The following TCERG1L variants were observed in gnomAD, a reference collection of about 807,000 sequenced individuals.
TCERG1L encodes transcription elongation regulator 1 like.
Under a neutral mutation model 56.3 loss-of-function variants are expected in TCERG1L, and 37 were observed. The ratio of observed to expected loss-of-function variants is 0.66; its 90% CI spans 0.51 to 0.87. The LOEUF (loss-of-function observed/expected upper bound fraction) is 0.87, where lower values mean the gene tolerates loss of function less well. TCERG1L is among the 40% of genes least tolerant of loss of function. The pLI is 0.00. For synonymous variants in TCERG1L, 324 were observed against 326.3 expected (o/e 0.99, Z 0.08); for missense variants, 799 against 774.2 (o/e 1.03, Z -0.38).
At chr10:131,263,068 G>A (rs1447700700) in intron 3 of TCERG1L, among the ~76,000 whole-genome samples, 12 of 152,086 alleles carry the variant, frequency 7.9e-5, no homozygotes, top group Admixed American at 6.5e-4. Flanking sequence ...AAGCACAATT[G>A]TTGGATTTTA....
intron 4 of TCERG1L, among the ~76,000 whole-genome samples, chr10:131,204,844 C>T (rs1433948386): frequency 1.3e-5 from 2 of 152,206 alleles, no homozygotes; most frequent in Non-Finnish European, 2.9e-5. Context: ...GTTTTATGAA[C>T]AGGCAGAGGA....
At chr10:131,275,704 C>T (rs1013770929) in intron 3 of TCERG1L, among the ~76,000 whole-genome samples, 1 of 152,122 alleles carries the variant, frequency 6.6e-6, no homozygotes, top group Non-Finnish European at 1.5e-5. Flanking sequence ...CCCATCTATA[C>T]CCCAAAAACT....
At chr10:131,129,860 T>C (rs1296946632) in intron 8 of TCERG1L, among the ~76,000 whole-genome samples, 1 of 152,020 alleles carries the variant, frequency 6.6e-6, no homozygotes, top group Admixed American at 6.5e-5. Context: ...TTGGCGGAAG[T>C]TGAAGAGGAA....
chr10:131,293,859 G>A (rs1010969353), intron 3 of TCERG1L, among the ~76,000 whole-genome samples: 25 of 152,094 alleles, frequency 1.6e-4, no homozygotes, highest in African/African-American at 6.0e-4. Context: ...GTTTATATTT[G>A]TAATTTTTAC....
chr10:131,250,234 G>A (rs1846092632), intron 4 of TCERG1L, among the ~76,000 whole-genome samples: 1 of 152,328 alleles, frequency 6.6e-6, no homozygotes, highest in East Asian at 1.9e-4. Flanking sequence ...TTCTGCAAGT[G>A]GCCTGGAGGG....
At chr10:131,120,700 C>A (rs1358706190) in intron 8 of TCERG1L, among the ~76,000 whole-genome samples, 1 of 152,248 alleles carries the variant, frequency 6.6e-6, no homozygotes, top group African/African-American at 2.4e-5. Context: ...AAGATCCAAA[C>A]CTCTATGTGG....
chr10:131,252,857 G>A (rs1298685569), intron 4 of TCERG1L, among the ~76,000 whole-genome samples: 1 of 152,238 alleles, frequency 6.6e-6, no homozygotes, highest in Non-Finnish European at 1.5e-5. Context: ...CTCCTTGCAC[G>A]ATGCTTTCAT....
chr10:131,224,839 A>C (rs1470703864), intron 4 of TCERG1L, among the ~76,000 whole-genome samples: 1 of 151,852 alleles, frequency 6.6e-6, no homozygotes. Context: ...GCAAGATCTC[A>C]TTTTGATGAA....
intron 3 of TCERG1L, among the ~76,000 whole-genome samples, chr10:131,292,359 C>G (rs1846637796): frequency 6.6e-6 from 1 of 152,182 alleles, no homozygotes; most frequent in Non-Finnish European, 1.5e-5. Flanking sequence ...ACTATTGTCA[C>G]TGCCTTTCAT....
intron 4 of TCERG1L, among the ~76,000 whole-genome samples, chr10:131,220,814 G>T (rs572575009): frequency 6.6e-6 from 1 of 152,236 alleles, no homozygotes; most frequent in Non-Finnish European, 1.5e-5. Flanking sequence ...GGGGGTGGGG[G>T]TGGAGAGCAG....
intron 3 of TCERG1L, among the ~76,000 whole-genome samples, chr10:131,298,969 T>A (rs1846728313): frequency 6.6e-6 from 1 of 152,234 alleles, no homozygotes; most frequent in Non-Finnish European, 1.5e-5. Flanking sequence ...ATTGTCTATT[T>A]TTTTGTTCTG....
At chr10:131,109,297 C>G (rs762578028) in intron 9 of TCERG1L, among the ~76,000 whole-genome samples, 1 of 152,216 alleles carries the variant, frequency 6.6e-6, no homozygotes, top group Non-Finnish European at 1.5e-5. Context: ...TTCCTCACCC[C>G]GCTGTACATC....
intron 6 of TCERG1L, among the ~76,000 whole-genome samples, chr10:131,158,242 A>G (rs1003585719): frequency 1.3e-5 from 2 of 152,184 alleles, no homozygotes; most frequent in African/African-American, 4.8e-5. Flanking sequence ...CTTTTAAACC[A>G]GTTTCTACCA....
chr10:131,122,111 C>T lies in TCERG1L; in HGVS notation c.1260-5177G>A, dbSNP rs546508432. Reference sequence around the variant, plus strand: ...AATGGTTTGCTGGGAAGAGTGGATTCGGAACCTAAAATGTTAGGCCTATGA... The same window carrying T: ...AATGGTTTGCTGGGAAGAGTGGATTTGGAACCTAAAATGTTAGGCCTATGA... On this transcript the variant is annotated intron_variant, in intron 8 of 11. Transcript: ENST00000368642. 8.5e-5 allele frequency among the ~76,000 whole-genome samples: 13 copies of T among 152,322 alleles called. No homozygotes were observed. In the East Asian group the frequency reaches 1.5e-3, roughly 18 times the overall value.
chr10:131,224,892 C>G (rs1025880934), intron 4 of TCERG1L, among the ~76,000 whole-genome samples: 3 of 152,186 alleles, frequency 2.0e-5, no homozygotes, highest in Non-Finnish European at 2.9e-5. Context: ...ACGTTAGGAA[C>G]TCTGAATGGA....
At chr10:131,272,794 G>C (rs1465975577) in intron 3 of TCERG1L, among the ~76,000 whole-genome samples, 1 of 152,214 alleles carries the variant, frequency 6.6e-6, no homozygotes, top group African/African-American at 2.4e-5. Flanking sequence ...GGATGTGGAG[G>C]CATGAGCCGT....
intron 4 of TCERG1L, among the ~76,000 whole-genome samples, chr10:131,200,192 T>C (rs1845416383): frequency 6.6e-6 from 1 of 152,240 alleles, no homozygotes; most frequent in Non-Finnish European, 1.5e-5. Context: ...ATGTTGGGTA[T>C]ATTTTATGGC....
At chr10:131,093,468 A>ACCAG (rs1845204069) in intron 11 of TCERG1L, 150 bp from the exon 12 acceptor site, 1 of 881,278 alleles carries the variant, frequency 1.1e-6, no homozygotes, top group Non-Finnish European at 1.7e-6. Context: ...AGCGGCTCTG[A>ACCAG]CCAGCCGTGC....
chr10:131,116,596 G>A (rs1845461195), intron 9 of TCERG1L, among the ~76,000 whole-genome samples: 1 of 152,202 alleles, frequency 6.6e-6, no homozygotes, highest in Non-Finnish European at 1.5e-5. Context: ...TTAGTAAGGG[G>A]GAGGCATCCC....
Sources: allele counts gnomAD v4.1 joint callset (sites outside exome capture counted in the v4.1 genomes callset), GRCh38; gene constraint gnomAD v4.1.1; transcripts MANE v1.5; gene names NCBI Gene and HGNC (gene_info 2026-07-23, HGNC 2026-07-21).